Variants in AGBL4 observed in about 807,000 individuals in gnomAD.
AGBL4 encodes cytosolic carboxypeptidase 6.
A neutral mutation model predicts 66.4 loss-of-function variants in AGBL4; 58 were observed. That is an observed-to-expected ratio of 0.87 (90% CI 0.71 to 1.09). The LOEUF (loss-of-function observed/expected upper bound fraction) is 1.09, where lower values mean the gene tolerates loss of function less well. Ranked by LOEUF, AGBL4 falls within the 50% of genes least tolerant of loss-of-function variation. The pLI, the probability that AGBL4 is intolerant of heterozygous loss-of-function variation, is 0.00. For missense variants in AGBL4, 579 were observed against 631.0 expected (o/e 0.92, Z 0.88); for synonymous variants, 234 against 222.9 (o/e 1.05, Z -0.44).
At chr1:49,968,134 A>C (rs988326701) in intron 1 of AGBL4, among the ~76,000 whole-genome samples, 1 of 151,980 alleles carries the variant, frequency 6.6e-6, no homozygotes, top group Non-Finnish European at 1.5e-5. Flanking sequence ...GAGACAGGAG[A>C]ATCACTTGAA....
At chr1:49,151,565 A>G (rs1646335042) in intron 4 of AGBL4, among the ~76,000 whole-genome samples, 2 of 150,898 alleles carry the variant, frequency 1.3e-5, no homozygotes, top group South Asian at 4.2e-4. Context: ...GGAATTGTTG[A>G]CAGTTACAAA....
At chr1:49,962,671 T>G (rs1657214351) in intron 1 of AGBL4, among the ~76,000 whole-genome samples, 2 of 152,180 alleles carry the variant, frequency 1.3e-5, no homozygotes, top group Non-Finnish European at 1.5e-5. Context: ...ACAAATAGTT[T>G]TTGCCTCATG....
intron 1 of AGBL4, among the ~76,000 whole-genome samples, chr1:49,961,171 G>A (rs537238648): frequency 6.6e-6 from 1 of 152,084 alleles, no homozygotes; most frequent in Non-Finnish European, 1.5e-5. Context: ...ATAGAAAATA[G>A]GTAGGTTTTA....
chr1:49,523,580 AC>A lies in AGBL4; in HGVS notation c.282+173732del, dbSNP rs543345044. Among the ~76,000 whole-genome samples, 295 of 152,164 alleles carry A rather than the reference AC, an allele frequency of 1.9e-3. 1 individual carries two copies. The highest frequency in any genetic ancestry group is 3.3e-3 in the South Asian group (16 of 4,818). ...TTTCCATAACTTTAAGTACATAATA[AC>A]TGGGAGGTGAAGACAAGGAAAAGGA... On this transcript the variant is annotated intron_variant, in intron 3 of 13. Coordinates refer to ENST00000371839, the MANE Select transcript of AGBL4 (RefSeq NM_032785.4).
At chr1:49,136,631 C>T (rs982941418) in intron 4 of AGBL4, among the ~76,000 whole-genome samples, 1 of 152,056 alleles carries the variant, frequency 6.6e-6, no homozygotes, top group Non-Finnish European at 1.5e-5. Context: ...AAATTCTTTT[C>T]AATAAGCCAG....
At chr1:49,242,362 C>A (rs1651304728) in intron 4 of AGBL4, among the ~76,000 whole-genome samples, 1 of 151,966 alleles carries the variant, frequency 6.6e-6, no homozygotes, top group Admixed American at 6.6e-5. Flanking sequence ...CACACAATAG[C>A]ATGCTACTCC....
intron 3 of AGBL4, among the ~76,000 whole-genome samples, chr1:49,416,021 T>C (rs532941489): frequency 7.2e-5 from 11 of 152,194 alleles, no homozygotes; most frequent in African/African-American, 2.6e-4. Context: ...TTAAAATGGA[T>C]TATCCTTGGA....
At chr1:49,702,390 C>A (rs915469156) in intron 2 of AGBL4, among the ~76,000 whole-genome samples, 6 of 152,020 alleles carry the variant, frequency 3.9e-5, no homozygotes, top group African/African-American at 1.4e-4. Flanking sequence ...ACTCGGGAGG[C>A]TGAGGAAGGA....
chr1:49,281,260 C>T (rs780498666), intron 3 of AGBL4, among the ~76,000 whole-genome samples: 11 of 152,146 alleles, frequency 7.2e-5, no homozygotes, highest in South Asian at 2.1e-4. Context: ...AAAAAGAGTA[C>T]GAAAAAATTA....
At chr1:49,456,529 T>A (rs560533191) in intron 3 of AGBL4, among the ~76,000 whole-genome samples, 1 of 151,748 alleles carries the variant, frequency 6.6e-6, no homozygotes, top group Non-Finnish European at 1.5e-5. Flanking sequence ...ATAAGTAGTT[T>A]CCATCATTTA....
At chr1:48,797,324 G>A (rs767678834) in intron 6 of AGBL4, among the ~76,000 whole-genome samples, 23 of 152,128 alleles carry the variant, frequency 1.5e-4, no homozygotes, top group Non-Finnish European at 2.8e-4. Flanking sequence ...CCCACCACCT[G>A]GGAAGTGTAC....
At chr1:49,395,695 T>C (rs368481997) in intron 3 of AGBL4, among the ~76,000 whole-genome samples, 1 of 147,472 alleles carries the variant, frequency 6.8e-6, no homozygotes, top group Non-Finnish European at 1.5e-5. Flanking sequence ...GTGGAAAAAT[T>C]GTCTTCCACA....
chr1:48,606,667 CAAG>C (rs1165410037), intron 9 of AGBL4, among the ~76,000 whole-genome samples: 1 of 152,176 alleles, frequency 6.6e-6, no homozygotes, highest in South Asian at 2.1e-4. Context: ...AGGCTCCCAG[CAAG>C]AAGGCCAGTT....
At chr1:48,705,823 A>T (rs1646873266) in intron 6 of AGBL4, among the ~76,000 whole-genome samples, 1 of 151,522 alleles carries the variant, frequency 6.6e-6, no homozygotes, top group Admixed American at 6.6e-5. Flanking sequence ...GATGGTGTTA[A>T]GTTGATAAAA....
At chr1:48,571,617 G>A (rs1255031577) in intron 11 of AGBL4, among the ~76,000 whole-genome samples, 1 of 152,232 alleles carries the variant, frequency 6.6e-6, no homozygotes, top group Non-Finnish European at 1.5e-5. Context: ...ATTCCCAGGT[G>A]AGATGTTTCT....
At chr1:49,361,345 C>CTTTA (rs960100841) in intron 3 of AGBL4, among the ~76,000 whole-genome samples, 12 of 151,840 alleles carry the variant, frequency 7.9e-5, no homozygotes, top group African/African-American at 1.7e-4. Context: ...TTAAGAAGTA[C>CTTTA]TTTATTTATT....
At chr1:49,692,649 C>T (rs1571340448) in intron 3 of AGBL4, among the ~76,000 whole-genome samples, 2 of 150,782 alleles carry the variant, frequency 1.3e-5, no homozygotes, top group African/African-American at 2.4e-5. Context: ...AACTGGGAGG[C>T]GGAGCTTGCA....
intron 5 of AGBL4, among the ~76,000 whole-genome samples, chr1:48,904,637 C>T (rs1652409107): frequency 6.6e-6 from 1 of 152,110 alleles, no homozygotes; most frequent in African/African-American, 2.4e-5. Context: ...TCTGTTTCCT[C>T]ATATGTAAAA....
intron 3 of AGBL4, among the ~76,000 whole-genome samples, chr1:49,480,985 C>T (rs1183614288): frequency 6.6e-6 from 1 of 151,920 alleles, no homozygotes; most frequent in Non-Finnish European, 1.5e-5. Flanking sequence ...TGTTGTGTTC[C>T]ATTGGTCTAT....
Sources: gnomAD v4.1 joint callset for allele counts (sites outside exome capture counted in the v4.1 genomes callset) on GRCh38, gnomAD v4.1.1 for gene constraint, MANE v1.5 for transcripts, NCBI Gene and HGNC (gene_info 2026-07-23, HGNC 2026-07-21) for gene names.